The following PAX5 variants were observed in gnomAD, a reference collection of about 807,000 sequenced individuals.
PAX5 encodes paired box 5.
A neutral mutation model predicts 43.7 loss-of-function variants in PAX5; 9 were observed. The ratio of observed to expected loss-of-function variants is 0.21; its 90% CI spans 0.12 to 0.36. PAX5 has a LOEUF of 0.36. PAX5 is among the 10% of genes least tolerant of loss of function. PAX5 has a pLI of 1.00. For missense variants in PAX5, 383 were observed against 532.7 expected (o/e 0.72, Z 2.77); for synonymous variants, 228 against 214.3 (o/e 1.06, Z -0.56).
intron 6 of PAX5, among the ~76,000 whole-genome samples, chr9:36,955,380 A>C (rs1198367538): frequency 3.3e-5 from 5 of 152,170 alleles, no homozygotes; most frequent in Non-Finnish European, 5.9e-5. Flanking sequence ...CAGTGATTTC[A>C]CTAATATGCC....
At chr9:37,003,922 G>T (rs772315768) in intron 4 of PAX5, among the ~76,000 whole-genome samples, 1 of 152,208 alleles carries the variant, frequency 6.6e-6, no homozygotes, top group Non-Finnish European at 1.5e-5. Context: ...AATCTGCTTC[G>T]CACTAATAAA....
At chr9:37,003,022 C>G (rs1442887880) in intron 4 of PAX5, among the ~76,000 whole-genome samples, 1 of 152,002 alleles carries the variant, frequency 6.6e-6, no homozygotes, top group Non-Finnish European at 1.5e-5. Flanking sequence ...AAGGACTGAC[C>G]CCTGCAGAAA....
intron 7 of PAX5, among the ~76,000 whole-genome samples, chr9:36,916,955 G>A (rs1264207648): frequency 6.6e-6 from 1 of 152,054 alleles, no homozygotes; most frequent in Non-Finnish European, 1.5e-5. Flanking sequence ...AAAATGCTGG[G>A]ATTACAGGCG....
intron 7 of PAX5, among the ~76,000 whole-genome samples, chr9:36,886,474 A>G (rs60541526): frequency 0.053 from 8,041 of 152,188 alleles, 234 homozygotes; most frequent in Middle Eastern, 0.11. Context: ...ACCTTGGAGG[A>G]CACAGGCAGT....
chr9:36,985,991 G>T (rs995333567), intron 5 of PAX5, among the ~76,000 whole-genome samples: 1 of 152,140 alleles, frequency 6.6e-6, no homozygotes, highest in African/African-American at 2.4e-5. Context: ...CTCCCATCCC[G>T]GTTCCACGCT....
chr9:36,862,009 G>A (rs1824263213), intron 8 of PAX5, among the ~76,000 whole-genome samples: 1 of 152,168 alleles, frequency 6.6e-6, no homozygotes, highest in African/African-American at 2.4e-5. Flanking sequence ...GGAAGGGCCA[G>A]GCCATGTGGC....
intron 8 of PAX5, among the ~76,000 whole-genome samples, chr9:36,873,756 G>T (rs370864038): frequency 6.6e-6 from 1 of 152,188 alleles, no homozygotes. Context: ...ACCAGTGTCC[G>T]CTGGACCCTC....
intron 6 of PAX5, among the ~76,000 whole-genome samples, chr9:36,931,805 C>A (rs113166035): frequency 0.01 from 1,470 of 145,634 alleles, 20 homozygotes; most frequent in African/African-American, 0.037. Flanking sequence ...GAGCCGAGAT[C>A]GAGCCACTGC....
At chr9:37,024,769 T>C (rs978430110) in intron 1 of PAX5, among the ~76,000 whole-genome samples, 1 of 152,188 alleles carries the variant, frequency 6.6e-6, no homozygotes, top group African/African-American at 2.4e-5. Flanking sequence ...AGAAGCCGCC[T>C]TCTCCACACT....
chr9:36,866,419 G>A (rs1824890904), intron 8 of PAX5, among the ~76,000 whole-genome samples: 1 of 152,184 alleles, frequency 6.6e-6, no homozygotes, highest in Admixed American at 6.5e-5. Context: ...CAGACCTGGG[G>A]AGCCCACCGT....
chr9:37,020,925 C>T (rs981733516), intron 1 of PAX5, 124 bp from the exon 2 acceptor site: 44 of 942,388 alleles, frequency 4.7e-5, no homozygotes, highest in South Asian at 1.3e-4. Context: ...GGATGTCTCG[C>T]GCCTGGAGTC....
chr9:36,989,564 T>G lies in PAX5; in HGVS notation c.604+13084A>C, dbSNP rs73438936. Among the ~76,000 whole-genome samples, 181 of 152,348 alleles carry G rather than the reference T, an allele frequency of 1.2e-3. 1 individual carries two copies. Among genetic ancestry groups the G allele is most frequent in the African/African-American group, 4.3e-3 (179 of 41,572 alleles). On this transcript the variant is annotated intron_variant, in intron 5 of 9. Transcript: ENST00000358127. The stretch of plus-strand genomic sequence containing the variant: ...TTGCAGTTCCTCTTTGGTGCTGTGA[T>G]CTATACACATCTGGAGCACATGCTT...
rs1841322149 is a variant in PAX5 at position 37,034,229 on chromosome 9, A to G, written c.-198T>C. 1 of 575,508 alleles carries G rather than the reference A, an allele frequency of 1.7e-6. No homozygotes were observed. Among genetic ancestry groups the G allele is most frequent in the Admixed American group, 3.1e-5 (1 of 32,648 alleles). 35.7% of individuals were successfully genotyped at this position (575,508 alleles called of 1,614,324 possible). A position where few individuals can be genotyped will look rare whatever the true frequency, so the allele number is the denominator to read the frequency against. On this transcript the variant is annotated 5_prime_UTR_variant, in exon 1 of 10. Transcript: ENST00000358127. ...GCTGAAACTAAACGTTTTAGGTGGA[A>G]AAAAAGCGTCCGAAGGCACCGTGAA...
intron 7 of PAX5, among the ~76,000 whole-genome samples, chr9:36,895,246 G>T (rs1028587242): frequency 2.0e-5 from 3 of 152,250 alleles, no homozygotes; most frequent in African/African-American, 7.2e-5. Flanking sequence ...CCCCATGCCT[G>T]TGTGTGCCGC....
intron 5 of PAX5, among the ~76,000 whole-genome samples, chr9:36,997,265 C>T (rs754939376): frequency 6.6e-6 from 1 of 152,292 alleles, no homozygotes; most frequent in Non-Finnish European, 1.5e-5. Context: ...TCACTTGCAA[C>T]GTACCCCTAC....
chr9:36,854,613 C>T (rs577382252), intron 8 of PAX5, among the ~76,000 whole-genome samples: 10 of 152,322 alleles, frequency 6.6e-5, no homozygotes, highest in South Asian at 2.1e-4. Flanking sequence ...ACTGCACCCA[C>T]GCCAAGCCTC....
intron 7 of PAX5, among the ~76,000 whole-genome samples, chr9:36,905,163 T>C (rs1828714103): frequency 6.6e-6 from 1 of 152,186 alleles, no homozygotes; most frequent in South Asian, 2.1e-4. Context: ...AGCAGTGTTG[T>C]GAGATCCTTT....
chr9:36,963,785 TA>T (rs900494310), intron 6 of PAX5, among the ~76,000 whole-genome samples: 8 of 152,158 alleles, frequency 5.3e-5, no homozygotes, highest in African/African-American at 1.9e-4. Flanking sequence ...TCTGTGTGAA[TA>T]AGGGGTTCAC....
intron 4 of PAX5, 129 bp from the exon 5 acceptor site, chr9:37,002,905 C>T (rs1157346085): frequency 8.4e-7 from 1 of 1,194,506 alleles, no homozygotes; most frequent in Non-Finnish European, 1.1e-6. Context: ...GCTGAGGACC[C>T]TCGCTCTGCG....
Sources: gnomAD v4.1 joint callset for allele counts (sites outside exome capture counted in the v4.1 genomes callset) on GRCh38, gnomAD v4.1.1 for gene constraint, MANE v1.5 for transcripts, NCBI Gene and HGNC (gene_info 2026-07-23, HGNC 2026-07-21) for gene names.